Variants in MARCHF1 observed in about 807,000 individuals in gnomAD.
The protein encoded by MARCHF1 is membrane associated ring-CH-type finger 1.
Under a neutral mutation model 54.2 loss-of-function variants are expected in MARCHF1, and 40 were observed. The observed-to-expected ratio is 0.74, with a 90% confidence interval of 0.57 to 0.96. The LOEUF is 0.96. Ranked by LOEUF, MARCHF1 falls within the 40% of genes least tolerant of loss-of-function variation. The pLI is 0.00. For missense variants in MARCHF1, 586 were observed against 656.5 expected (o/e 0.89, Z 1.17); for synonymous variants, 236 against 236.3 (o/e 1.00, Z 0.01).
chr4:164,093,228 T>C (rs975187796), intron 2 of MARCHF1, among the ~76,000 whole-genome samples: 7 of 152,160 alleles, frequency 4.6e-5, no homozygotes, highest in African/African-American at 1.7e-4. Flanking sequence ...TAAATTACAG[T>C]AGACCCAATT....
At chr4:164,365,928 C>T (rs915786060) in intron 1 of MARCHF1, among the ~76,000 whole-genome samples, 1 of 152,024 alleles carries the variant, frequency 6.6e-6, no homozygotes, top group Non-Finnish European at 1.5e-5. Context: ...TCCTTCACTT[C>T]ATCATGATGC....
intron 2 of MARCHF1, among the ~76,000 whole-genome samples, chr4:164,025,837 T>C (rs1294933521): frequency 1.3e-5 from 2 of 151,720 alleles, no homozygotes; most frequent in African/African-American, 2.4e-5. Flanking sequence ...CTAGCTAGAT[T>C]AACAAAGAAA....
intron 1 of MARCHF1, among the ~76,000 whole-genome samples, chr4:164,188,013 AGT>A (rs1279866606): frequency 6.6e-6 from 1 of 152,046 alleles, no homozygotes; most frequent in East Asian, 1.9e-4. Flanking sequence ...AGAAATTCTG[AGT>A]GTTTTCTTAT....
At chr4:163,544,634 C>T (rs999354958) in intron 9 of MARCHF1, among the ~76,000 whole-genome samples, 1 of 152,188 alleles carries the variant, frequency 6.6e-6, no homozygotes, top group African/African-American at 2.4e-5. Context: ...TTATGAATCC[C>T]CACGCAGAAA....
intron 3 of MARCHF1, among the ~76,000 whole-genome samples, chr4:163,876,237 T>C (rs1421961216): frequency 6.6e-6 from 1 of 152,156 alleles, no homozygotes; most frequent in African/African-American, 2.4e-5. Flanking sequence ...CAACAAATTG[T>C]AGAATTACTA....
intron 3 of MARCHF1, among the ~76,000 whole-genome samples, chr4:163,916,958 C>A (rs1248197518): frequency 6.6e-6 from 1 of 152,120 alleles, no homozygotes; most frequent in Non-Finnish European, 1.5e-5. Flanking sequence ...TATAGGATCA[C>A]ACAGAGTAGT....
intron 1 of MARCHF1, among the ~76,000 whole-genome samples, chr4:164,376,435 G>C (rs898837932): frequency 1.3e-5 from 2 of 152,008 alleles, no homozygotes; most frequent in Non-Finnish European, 2.9e-5. Flanking sequence ...CTTAGGCCAG[G>C]CTCTCTTCAA....
chr4:163,963,843 G>C (rs562162276), intron 3 of MARCHF1, among the ~76,000 whole-genome samples: 161 of 152,026 alleles, frequency 1.1e-3, no homozygotes, highest in African/African-American at 3.4e-3. Flanking sequence ...GAAAGAAAGT[G>C]AGTGAAGAAA....
At chr4:164,067,396 T>C (rs765827565) in intron 2 of MARCHF1, among the ~76,000 whole-genome samples, 2 of 151,956 alleles carry the variant, frequency 1.3e-5, no homozygotes, top group African/African-American at 4.8e-5. Context: ...TGTAGACCAA[T>C]GGAACAGAAT....
intron 1 of MARCHF1, among the ~76,000 whole-genome samples, chr4:164,213,201 C>CG: frequency 7.8e-6 from 1 of 128,330 alleles, no homozygotes; most frequent in East Asian, 2.2e-4. Context: ...TGGGCTTTTA[C>CG]TTTTATTATT....
intron 1 of MARCHF1, among the ~76,000 whole-genome samples, chr4:164,339,935 C>G (rs1729864886): frequency 6.6e-6 from 1 of 152,064 alleles, no homozygotes; most frequent in African/African-American, 2.4e-5. Context: ...TTAACAATAA[C>G]ATGCCAACAA....
chr4:164,143,464 A>G (rs1756602539), intron 1 of MARCHF1, among the ~76,000 whole-genome samples: 3 of 149,092 alleles, frequency 2.0e-5, no homozygotes, highest in South Asian at 2.2e-4. Flanking sequence ...TCAGACTAAC[A>G]GCAGATCTCT....
At chr4:164,238,459 A>G (rs1392393646) in intron 1 of MARCHF1, among the ~76,000 whole-genome samples, 1 of 152,108 alleles carries the variant, frequency 6.6e-6, no homozygotes, top group Non-Finnish European at 1.5e-5. Flanking sequence ...TGAGTCCTCC[A>G]TAACTCTACA....
At chr4:163,665,807 T>C (rs144920834) in intron 5 of MARCHF1, among the ~76,000 whole-genome samples, 3 of 152,166 alleles carry the variant, frequency 2.0e-5, no homozygotes, top group Admixed American at 2.0e-4. Context: ...TATACATTTG[T>C]CTAAAAACAT....
chr4:163,862,344 C>T (rs1020337047), intron 3 of MARCHF1, among the ~76,000 whole-genome samples: 1 of 151,866 alleles, frequency 6.6e-6, no homozygotes, highest in Non-Finnish European at 1.5e-5. Flanking sequence ...ATACAAAGAA[C>T]TCTTAAAACT....
chr4:163,657,847 T>C (rs35617792), intron 5 of MARCHF1, among the ~76,000 whole-genome samples: 23,181 of 152,026 alleles, frequency 0.15, 2,204 homozygotes, highest in East Asian at 0.41. Context: ...CTGGGAGAAC[T>C]GGCTAGCTAT....
chr4:163,549,055 A>T (rs1222807398), intron 8 of MARCHF1, among the ~76,000 whole-genome samples: 1 of 152,138 alleles, frequency 6.6e-6, no homozygotes, highest in African/African-American at 2.4e-5. Context: ...CCATGGTTAC[A>T]CCTCTAGAGA....
In MARCHF1 at chr4:164,145,606, T is replaced by C. The variant is rs1052454943; in HGVS notation, c.-322-33944A>G. On this transcript the variant is annotated intron_variant, in intron 1 of 9. Transcript: ENST00000514618. ...ACCTCAATAGATTCAGAAAAGGCCT[T>C]CGACAAAATTCAACAACCTTCATGC... 7.9e-5 allele frequency among the ~76,000 whole-genome samples: 12 copies of C among 152,284 alleles called. No individual in the cohort carries two copies. In the East Asian group the frequency reaches 1.9e-3, roughly 24 times the overall value.
chr4:164,215,303 G>A (rs1372398941), intron 1 of MARCHF1, among the ~76,000 whole-genome samples: 1 of 152,052 alleles, frequency 6.6e-6, no homozygotes, highest in Non-Finnish European at 1.5e-5. Context: ...CAGCGTTCTG[G>A]CGTCTGTCAC....
Sources: gnomAD v4.1 joint callset for allele counts (sites outside exome capture counted in the v4.1 genomes callset) on GRCh38, gnomAD v4.1.1 for gene constraint, MANE v1.5 for transcripts, NCBI Gene and HGNC (gene_info 2026-07-23, HGNC 2026-07-21) for gene names.